The following MCFD2 variants were observed in gnomAD, a reference collection of about 807,000 sequenced individuals.
MCFD2 encodes multiple coagulation factor deficiency 2, ER cargo receptor complex subunit.
In MCFD2, 11 loss-of-function variants were observed where a neutral mutation model predicts 12.8. The observed-to-expected ratio is 0.86, with a 90% CI of 0.54 to 1.42. The LOEUF is 1.42. Among genes scored for constraint, MCFD2 ranks in the 40% most tolerant of loss-of-function variants. MCFD2 has a pLI of 0.00. For synonymous variants in MCFD2, 70 were observed against 68.1 expected, an observed-to-expected ratio of 1.03 and a Z score of -0.14; for missense variants, 191 against 178.6, an observed-to-expected ratio of 1.07 and a Z score of -0.40.
chr2:46,912,969 C>G (rs1306584663), intron 1 of MCFD2, among the ~76,000 whole-genome samples: 1 of 152,136 alleles, frequency 6.6e-6, no homozygotes, highest in Non-Finnish European at 1.5e-5. Context: ...ACCATTTCCT[C>G]CAACTATGTG....
Position 46,937,279 on chromosome 2 carries a change from C to T in MCFD2, c.-8+4293G>A, listed in dbSNP as rs559243393. The stretch of plus-strand genomic sequence containing the variant: ...GCTGAAACCTGCTATTTCTTTTCCC[C>T]TACCCTATGCTCCTCCATCTCCCTC... On this transcript the variant is annotated intron_variant, in intron 1 of 2. Transcript: ENST00000409147. The surrounding 1 kb of genome is among the most constrained non-coding windows in gnomAD (Gnocchi z 4.0). Among the ~76,000 whole-genome samples the T allele has an allele frequency of 6.6e-6, 1 of 152,232 alleles. No homozygotes were observed. Among genetic ancestry groups the T allele is most frequent in the East Asian group, 1.9e-4 (1 of 5,184 alleles).
intron 1 of MCFD2, among the ~76,000 whole-genome samples, chr2:46,929,655 T>G (rs1469770143): frequency 6.6e-6 from 1 of 152,206 alleles, no homozygotes; most frequent in Non-Finnish European, 1.5e-5. Flanking sequence ...ATATATATCC[T>G]TAAATGCATG....
At position 46,908,252 on chromosome 2, in the gene MCFD2, T is replaced by G. The variant is rs944378928; in HGVS notation, c.150-283A>C. The G allele has an allele frequency of 4.2e-6, 2 of 473,652 alleles. No individual in the cohort carries two copies. The highest frequency in any genetic ancestry group is 4.2e-5 in the East Asian group (1 of 23,970). 29.3% of individuals were successfully genotyped at this position (473,652 alleles called of 1,614,324 possible). On this transcript the variant is annotated intron_variant, in intron 2 of 3. Coordinates refer to ENST00000319466, the MANE Select transcript of MCFD2 (RefSeq NM_139279.6). This position sits in a 1 kb window ranked among gnomAD's most constrained non-coding sequence, Gnocchi z 4.5. ...TTTTCAGGCCATCAATTTAAAAATA[T>G]GTCCTTTAAAACTTTTTTTTTTTTT...
upstream of MCFD2, among the ~76,000 whole-genome samples, chr2:46,919,618 A>G (rs1358344622): frequency 2.0e-5 from 3 of 152,232 alleles, no homozygotes; most frequent in East Asian, 5.8e-4. Flanking sequence ...GATTGAGGTA[A>G]TCCTGTGTCC....
intron 1 of MCFD2, among the ~76,000 whole-genome samples, chr2:46,921,518 A>G (rs1003437089): frequency 7.9e-5 from 12 of 152,230 alleles, no homozygotes; most frequent in African/African-American, 2.7e-4. Flanking sequence ...TAGTCCTGCA[A>G]TAGTGTCTAC....
chr2:46,935,908 T>C (rs1008881847), intron 1 of MCFD2, among the ~76,000 whole-genome samples: 2 of 152,118 alleles, frequency 1.3e-5, no homozygotes, highest in African/African-American at 4.8e-5. Flanking sequence ...CTGGGCAACA[T>C]AGCAAGATTC....
upstream of MCFD2, among the ~76,000 whole-genome samples, chr2:46,918,153 C>T (rs190256756): frequency 6.6e-6 from 1 of 152,122 alleles, no homozygotes; most frequent in East Asian, 1.9e-4. Flanking sequence ...CTTAATGTGT[C>T]CCCCCAAAAT....
intron 1 of MCFD2, among the ~76,000 whole-genome samples, chr2:46,922,350 G>A (rs1669150203): frequency 6.6e-6 from 1 of 152,136 alleles, no homozygotes; most frequent in African/African-American, 2.4e-5. Context: ...CTTTGTCTAT[G>A]GGAGTCCTAT....
At chr2:46,913,124 AG>A (rs1668550223) in intron 1 of MCFD2, among the ~76,000 whole-genome samples, 1 of 152,212 alleles carries the variant, frequency 6.6e-6, no homozygotes, top group Non-Finnish European at 1.5e-5. Flanking sequence ...GGTGGGATAA[AG>A]GCCAAGAATC....
Position 46,940,869 on chromosome 2 carries a change from T to G in MCFD2, c.-8+703A>C, listed in dbSNP as rs1258292870. ...GCCTGTCGGCCGGCCTCTCCCCATT[T>G]TTGTGACGTGTCAGGGGCAGCAGCG... is the stretch of plus-strand genomic sequence containing the variant. On this transcript the variant is annotated intron_variant, in intron 1 of 2. Transcript: ENST00000409147. This position sits in a 1 kb window ranked among gnomAD's most constrained non-coding sequence, Gnocchi z 4.7. Among the ~76,000 whole-genome samples, 2 of 151,936 alleles carry G rather than the reference T, an allele frequency of 1.3e-5. No homozygotes were observed. The highest frequency in any genetic ancestry group is 3.9e-4 in the East Asian group (2 of 5,114).
At chr2:46,923,821 C>T (rs1669238958) in intron 1 of MCFD2, among the ~76,000 whole-genome samples, 1 of 152,076 alleles carries the variant, frequency 6.6e-6, no homozygotes, top group Admixed American at 6.5e-5. Context: ...CAACCTCTGC[C>T]TCCCAGGTTC....
chr2:46,911,413 C>T (rs973026119), intron 1 of MCFD2, among the ~76,000 whole-genome samples: 33 of 150,722 alleles, frequency 2.2e-4, no homozygotes, highest in African/African-American at 7.8e-4. Flanking sequence ...CAGGCATGAG[C>T]CACCGTGCCC....
intron 1 of MCFD2, among the ~76,000 whole-genome samples, chr2:46,925,772 C>T (rs186336864): frequency 3.5e-4 from 54 of 152,180 alleles, no homozygotes; most frequent in African/African-American, 1.2e-3. Context: ...TGTTAACCCC[C>T]GTTGAAAGGG....
rs148722702 is a variant in MCFD2 at position 46,902,191 on chromosome 2, T to C, written c.*3272A>G. On this transcript the variant is annotated 3_prime_UTR_variant, in exon 4 of 4. Transcript: ENST00000319466. ...TGCTTCTTCTCATTTTCAAATACTA[T>C]AAAGATTCACACTGTTAAAGGGTTT... 164 of 152,788 alleles carry C rather than the reference T, an allele frequency of 1.1e-3. No homozygotes were observed. The highest frequency in any genetic ancestry group is 1.3e-3 in the Admixed American group (20 of 15,306). The allele number at this position is 152,788 out of a possible 1,614,324, so 9.5% of individuals were successfully genotyped here.
intron 1 of MCFD2, among the ~76,000 whole-genome samples, chr2:46,926,524 C>T (rs916315021): frequency 6.6e-6 from 1 of 152,172 alleles, no homozygotes; most frequent in African/African-American, 2.4e-5. Flanking sequence ...ATAGATGAGC[C>T]TTCTCATGGA....
chr2:46,906,072 G>C (rs1300283242), intron 3 of MCFD2: 2 of 460,102 alleles, frequency 4.3e-6, no homozygotes, highest in Non-Finnish European at 9.0e-6. Flanking sequence ...AACCTGTTAT[G>C]ATCTTTGAGG....
At chr2:46,906,000 G>A (rs1471881162) in intron 3 of MCFD2, 1 of 472,110 alleles carries the variant, frequency 2.1e-6, no homozygotes, top group Non-Finnish European at 4.4e-6. Flanking sequence ...AATAGAAACA[G>A]TGACGAATTG....
intron 1 of MCFD2, among the ~76,000 whole-genome samples, chr2:46,925,326 G>C (rs1298479220): frequency 3.9e-5 from 6 of 152,144 alleles, no homozygotes; most frequent in Non-Finnish European, 5.9e-5. Flanking sequence ...GGGAGGCTAA[G>C]GTGGGCGGAT....
chr2:46,909,255 C>T, intron 1 of MCFD2, 78 bp from the exon 2 acceptor site: 4 of 1,479,734 alleles, frequency 2.7e-6, no homozygotes, highest in South Asian at 1.2e-5. Context: ...ATGGTATGAT[C>T]CTGGGAAACC....
Sources: gnomAD v4.1 joint callset for allele counts (sites outside exome capture counted in the v4.1 genomes callset) on GRCh38, gnomAD v4.1.1 for gene constraint, Gnocchi (gnomAD v3.1) non-coding constraint, MANE v1.5 for transcripts, NCBI Gene and HGNC (gene_info 2026-07-23, HGNC 2026-07-21) for gene names.